The following SMAD9 variants were observed in gnomAD, a reference collection of about 807,000 sequenced individuals.
SMAD9 encodes the protein MAD homolog 9.
In SMAD9, 36 loss-of-function variants were observed where a neutral mutation model predicts 46.1. The observed-to-expected ratio is 0.78, with a 90% confidence interval of 0.60 to 1.03. The LOEUF (loss-of-function observed/expected upper bound fraction) is 1.03. Ranked by LOEUF, SMAD9 falls within the 50% of genes least tolerant of loss-of-function variation. SMAD9 has a pLI of 0.00. For missense variants in SMAD9, 572 were observed against 599.8 expected (o/e 0.95, Z 0.48); for synonymous variants, 245 against 237.1 (o/e 1.03, Z -0.31).
At position 36,845,133 on chromosome 13, in the gene SMAD9, T is replaced by TAC. The variant is rs1555303718; in HGVS notation, c.*3541_*3542dup. The TAC allele has an allele frequency of 4.7e-5, 7 of 148,324 alleles. No homozygotes were observed. The highest frequency in any genetic ancestry group is 4.3e-4 in the South Asian group (2 of 4,670). The allele number at this position is 148,324 out of a possible 1,614,324, so 9.2% of individuals were successfully genotyped here. ...GTGTGTGTATATATATATATATATATACACACTAAATATTTGGGACACAAA... is the reference window on the plus strand; with the variant it reads ...GTGTGTGTATATATATATATATATATACACACACTAAATATTTGGGACACAAA... On this transcript the variant is annotated 3_prime_UTR_variant, in exon 7 of 7. Transcript: ENST00000379826.
At chr13:36,902,071 T>C (rs1366248743) in intron 1 of SMAD9, among the ~76,000 whole-genome samples, 1 of 152,224 alleles carries the variant, frequency 6.6e-6, no homozygotes, top group Admixed American at 6.5e-5. Flanking sequence ...TTCAAGGTTA[T>C]AAATATTTAC....
At chr13:36,857,725 G>C (rs1165244602) in intron 5 of SMAD9, among the ~76,000 whole-genome samples, 1 of 152,084 alleles carries the variant, frequency 6.6e-6, no homozygotes, top group East Asian at 1.9e-4. Flanking sequence ...AAAGTAGAAG[G>C]AAGGTGCAGG....
rs1287709672 is a variant in SMAD9, at chr13:36,872,693, C to T, written c.635G>A (p.Ser212Asn). The part of the protein sequence containing the change: ...CTASYPHSPG[S>N]PSEPESPYQH... Reference sequence around the variant, plus strand: ...ATAGGGACTCTCTGGCTCAGAAGGACTTCCTGGGGAGTGAGGGTAGCTGGC... The same window carrying T: ...ATAGGGACTCTCTGGCTCAGAAGGATTTCCTGGGGAGTGAGGGTAGCTGGC... Residue 212 changes from serine (S) to asparagine (N), a missense_variant, in exon 3 of 7, where the codon AGT (serine) becomes AAT (asparagine). By Grantham distance (46) the Ser-to-Asn change is conservative (BLOSUM62 1). Transcript: ENST00000379826. 3.1e-6 allele frequency: 5 copies of T among 1,613,884 alleles called. No homozygotes were observed. In the African/African-American group the frequency reaches 6.7e-5, roughly 22 times the overall value.
Position 36,853,690 on chromosome 13 carries a change from A to C in SMAD9, c.1004-15T>G, listed in dbSNP as rs1020851806. The stretch of plus-strand genomic sequence containing the variant: ...CAAGTGCACACCTGCAGACACAAAA[A>C]CACAGCCTTCCTTCACATGCCCTTT... On this transcript the variant is annotated splice_polypyrimidine_tract_variant and intron_variant, in intron 5 of 6. Coordinates refer to ENST00000379826, the MANE Select transcript of SMAD9 (RefSeq NM_001127217.3). 4.3e-6 allele frequency: 7 copies of C among 1,613,548 alleles called. No homozygotes were observed. The highest frequency in any genetic ancestry group is 5.9e-6 in the Non-Finnish European group (7 of 1,180,000).
chr13:36,891,473 A>G (rs1356825915), intron 1 of SMAD9, among the ~76,000 whole-genome samples: 1 of 152,164 alleles, frequency 6.6e-6, no homozygotes, highest in Non-Finnish European at 1.5e-5. Flanking sequence ...GCCTTACTAA[A>G]TGGTTTACTA....
chr13:36,900,572 T>C (rs139679263), intron 1 of SMAD9, among the ~76,000 whole-genome samples: 2 of 151,908 alleles, frequency 1.3e-5, no homozygotes, highest in East Asian at 3.9e-4. Flanking sequence ...AGCCACCCGC[T>C]TGGCCGACTA....
intron 1 of SMAD9, among the ~76,000 whole-genome samples, chr13:36,890,619 G>A (rs2058481969): frequency 6.6e-6 from 1 of 152,154 alleles, no homozygotes; most frequent in Admixed American, 6.6e-5. Context: ...TAAAGTAGGT[G>A]TTTAAAACTG....
intron 6 of SMAD9, among the ~76,000 whole-genome samples, chr13:36,853,178 G>T (rs573007970): frequency 1.3e-4 from 20 of 152,218 alleles, no homozygotes; most frequent in African/African-American, 4.8e-4. Flanking sequence ...CCAGCTACCC[G>T]GGAGGCTGAG....
intron 1 of SMAD9, among the ~76,000 whole-genome samples, chr13:36,892,085 A>G (rs1487056250): frequency 1.3e-5 from 2 of 152,206 alleles, no homozygotes; most frequent in Non-Finnish European, 2.9e-5. Context: ...TGACGATGGT[A>G]GTATTGTTGA....
chr13:36,854,789 C>A (rs367686743), intron 5 of SMAD9, among the ~76,000 whole-genome samples: 5 of 152,298 alleles, frequency 3.3e-5, no homozygotes, highest in African/African-American at 9.6e-5. Context: ...TTTACCAATA[C>A]TTATAAATCT....
At chr13:36,890,095 C>T (rs1404918014) in intron 1 of SMAD9, among the ~76,000 whole-genome samples, 1 of 152,158 alleles carries the variant, frequency 6.6e-6, no homozygotes, top group Non-Finnish European at 1.5e-5. Flanking sequence ...CAAGCTCTTG[C>T]TGTGTAACTG....
chr13:36,852,596 G>A (rs1036957903), intron 6 of SMAD9: 97 of 981,264 alleles, frequency 9.9e-5, no homozygotes, highest in Admixed American at 1.2e-4. Context: ...AATCACACCC[G>A]TTTCTATTCC....
intron 1 of SMAD9, among the ~76,000 whole-genome samples, chr13:36,891,099 G>A (rs2058485728): frequency 6.6e-6 from 1 of 151,866 alleles, no homozygotes; most frequent in Admixed American, 6.6e-5. Flanking sequence ...TTCCCGCTTT[G>A]GTCCTCTGAG....
Position 36,845,118 on chromosome 13 carries a change from ATATATATATATATATACACAC to A in SMAD9, c.*3537_*3557del, listed in dbSNP as rs1029908576. 1 of 137,210 alleles carries A rather than the reference ATATATATATATATATACACAC, an allele frequency of 7.3e-6. No individual in the cohort carries two copies. The highest frequency in any genetic ancestry group is 3.3e-5 in the African/African-American group (1 of 30,752). The allele number at this position is 137,210 out of a possible 1,614,324, so 8.5% of individuals were successfully genotyped here. On this transcript the variant is annotated 3_prime_UTR_variant, in exon 7 of 7. Transcript: ENST00000379826. Reference sequence around the variant, plus strand: ...AATATATATGTGTGTGTGTGTGTATATATATATATATATATACACACTAAATATTTGGGACACAAAGTTAAG... The same window carrying A: ...AATATATATGTGTGTGTGTGTGTATATAAATATTTGGGACACAAAGTTAAG...
At chr13:36,856,466 A>G (rs1485498392) in intron 5 of SMAD9, among the ~76,000 whole-genome samples, 1 of 152,234 alleles carries the variant, frequency 6.6e-6, no homozygotes, top group Non-Finnish European at 1.5e-5. Context: ...GCAGTCGTCC[A>G]GCATCCAGAG....
chr13:36,919,624 C>G (rs1455945941), intron 1 of SMAD9, among the ~76,000 whole-genome samples: 1 of 151,208 alleles, frequency 6.6e-6, no homozygotes, highest in Admixed American at 6.6e-5. Context: ...TCTCCAGCTA[C>G]AGCAAGCGAC....
intron 6 of SMAD9, chr13:36,849,421 A>C (rs984998666): frequency 6.6e-6 from 1 of 152,380 alleles, no homozygotes; most frequent in Non-Finnish European, 1.5e-5. Flanking sequence ...AAATGAAGGG[A>C]GATCACAGCC....
At chr13:36,849,131 T>C (rs2058055145) in intron 6 of SMAD9, among the ~76,000 whole-genome samples, 1 of 152,168 alleles carries the variant, frequency 6.6e-6, no homozygotes, top group Non-Finnish European at 1.5e-5. Context: ...AGGAAGAAAC[T>C]TGACCTTTTG....
intron 5 of SMAD9, among the ~76,000 whole-genome samples, chr13:36,861,464 G>A (rs527646395): frequency 2.6e-5 from 4 of 151,654 alleles, no homozygotes; most frequent in South Asian, 4.2e-4. Context: ...ACAGGCACCC[G>A]CCACCACACC....
Sources: allele counts gnomAD v4.1 joint callset (sites outside exome capture counted in the v4.1 genomes callset), GRCh38; gene constraint gnomAD v4.1.1; transcripts MANE v1.5; gene names NCBI Gene and HGNC (gene_info 2026-07-23, HGNC 2026-07-21).